The following SPRED2 variants were observed in gnomAD, a reference collection of about 807,000 sequenced individuals.
The protein encoded by SPRED2 is sprouty related EVH1 domain containing 2.
In SPRED2, 47 loss-of-function variants were observed where a neutral mutation model predicts 43.0. The ratio of observed to expected loss-of-function variants is 1.09; its 90% CI spans 0.87 to 1.40. The LOEUF is 1.40. SPRED2 is among the 40% of genes most tolerant of loss of function. The pLI is 0.00. For missense variants in SPRED2, 561 were observed against 586.4 expected, an observed-to-expected ratio of 0.96 and a Z score of 0.45; for synonymous variants, 225 against 225.7, an observed-to-expected ratio of 1.00 and a Z score of 0.03.
At chr2:65,421,227 T>A (rs1386709742) in intron 1 of SPRED2, among the ~76,000 whole-genome samples, 2 of 152,208 alleles carry the variant, frequency 1.3e-5, no homozygotes, top group Non-Finnish European at 2.9e-5. Flanking sequence ...GAAGTCCTGC[T>A]AAGAATGGGG....
At chr2:65,349,857 TG>T (rs1466503581) in intron 1 of SPRED2, among the ~76,000 whole-genome samples, 1 of 152,162 alleles carries the variant, frequency 6.6e-6, no homozygotes, top group African/African-American at 2.4e-5. Context: ...GTGATGGGAT[TG>T]GGGGAAGGGG....
intron 4 of SPRED2, among the ~76,000 whole-genome samples, chr2:65,318,322 A>C (rs1673307722): frequency 6.6e-6 from 1 of 152,056 alleles, no homozygotes; most frequent in Admixed American, 6.6e-5. Context: ...CAGCGAGAAA[A>C]TAGACTAATA....
At chr2:65,364,750 C>A (rs1674925489) in intron 1 of SPRED2, among the ~76,000 whole-genome samples, 1 of 151,988 alleles carries the variant, frequency 6.6e-6, no homozygotes, top group South Asian at 2.1e-4. Flanking sequence ...TGACTATAAT[C>A]ATTTACCATA....
chr2:65,313,321 A>T lies in SPRED2; in HGVS notation c.*180T>A. 1.4e-6 allele frequency: 2 copies of T among 1,440,510 alleles called. No homozygotes were observed. Among genetic ancestry groups the T allele is most frequent in the Non-Finnish European group, 1.8e-6 (2 of 1,104,316 alleles). 89.2% of individuals were successfully genotyped at this position (1,440,510 alleles called of 1,614,324 possible). A position where few individuals can be genotyped will look rare whatever the true frequency, so the allele number is the denominator to read the frequency against. ...CTGCTGCAGTGTGGGCGGCAGGGGG[A>T]GTGGAGAGTCTACCCGGCAGCGTCC... On this transcript the variant is annotated 3_prime_UTR_variant, in exon 6 of 6. Transcript: ENST00000356388.
chr2:65,312,757 A>G lies in SPRED2; in HGVS notation c.*744T>C. On this transcript the variant is annotated 3_prime_UTR_variant, in exon 6 of 6. Transcript: ENST00000356388. ...TTGAAGGAATTTTCCTGATTCTCAC[A>G]AGTTAATCTGAAGTTAAGGCTCAAT... The G allele has an allele frequency of 1.0e-6, 1 of 985,904 alleles. No homozygotes were observed. Among genetic ancestry groups the G allele is most frequent in the African/African-American group, 1.7e-5 (1 of 57,376 alleles). The allele number at this position is 985,904 out of a possible 1,614,324, so 61.1% of individuals were successfully genotyped here. A position where few individuals can be genotyped will look rare whatever the true frequency, so the allele number is the denominator to read the frequency against.
intron 1 of SPRED2, among the ~76,000 whole-genome samples, chr2:65,346,993 C>A (rs181704593): frequency 9.6e-4 from 146 of 152,312 alleles, no homozygotes; most frequent in African/African-American, 3.4e-3. Flanking sequence ...CCTTGTCTTA[C>A]AACCAACTTT....
intron 1 of SPRED2, among the ~76,000 whole-genome samples, chr2:65,401,937 G>GCGCGCGCGCACGCA (rs776512353): frequency 8.7e-6 from 1 of 114,714 alleles, no homozygotes; most frequent in African/African-American, 3.4e-5. Flanking sequence ...GCGCGCGCGC[G>GCGCGCGCGCACGCA]CACACACACA....
intron 4 of SPRED2, among the ~76,000 whole-genome samples, chr2:65,323,652 A>C (rs1558650616): frequency 1.3e-5 from 2 of 151,948 alleles, no homozygotes; most frequent in East Asian, 3.9e-4. Flanking sequence ...TGAGGCGGGC[A>C]GATCACGAGG....
At chr2:65,352,645 C>T (rs141574037) in intron 1 of SPRED2, among the ~76,000 whole-genome samples, 17 of 152,320 alleles carry the variant, frequency 1.1e-4, no homozygotes, top group South Asian at 2.1e-4. Flanking sequence ...GTTTTTGAGA[C>T]GGAGTTTCAC....
chr2:65,415,040 G>A (rs1356717705), intron 1 of SPRED2, among the ~76,000 whole-genome samples: 1 of 152,074 alleles, frequency 6.6e-6, no homozygotes, highest in Non-Finnish European at 1.5e-5. Context: ...TCCTGTCTTA[G>A]CTTCCCAAAC....
Position 65,432,215 on chromosome 2 carries a change from T to G in SPRED2, c.-228A>C. The G allele has an allele frequency of 1.9e-6, 1 of 530,728 alleles. No homozygotes were observed. Among genetic ancestry groups the G allele is most frequent in the Non-Finnish European group, 3.3e-6 (1 of 300,450 alleles). 32.9% of individuals were successfully genotyped at this position (530,728 alleles called of 1,614,324 possible). A position where few individuals can be genotyped will look rare whatever the true frequency, so the allele number is the denominator to read the frequency against. On this transcript the variant is annotated 5_prime_UTR_variant, in exon 1 of 6. Transcript: ENST00000356388. Reference sequence around the variant, plus strand: ...GCGGGGAGTGAACGCCGCAGCGCCGTGGGGAGAGGCGGGCGGAGGCTCCGG... The same window carrying G: ...GCGGGGAGTGAACGCCGCAGCGCCGGGGGGAGAGGCGGGCGGAGGCTCCGG...
intron 1 of SPRED2, among the ~76,000 whole-genome samples, chr2:65,352,170 A>G (rs1020352093): frequency 6.6e-6 from 1 of 152,262 alleles, no homozygotes; most frequent in Non-Finnish European, 1.5e-5. Flanking sequence ...CAAAGATGCC[A>G]GATCTGGCAG....
At chr2:65,406,662 T>C (rs1676030192) in intron 1 of SPRED2, among the ~76,000 whole-genome samples, 2 of 152,194 alleles carry the variant, frequency 1.3e-5, no homozygotes, top group Admixed American at 1.3e-4. Flanking sequence ...CACTTCACTT[T>C]CCTTCTGCTT....
At chr2:65,415,977 G>C (rs1485463297) in intron 1 of SPRED2, among the ~76,000 whole-genome samples, 2 of 152,162 alleles carry the variant, frequency 1.3e-5, no homozygotes, top group Non-Finnish European at 2.9e-5. Flanking sequence ...AGATTAATCG[G>C]AATGAATTAA....
intron 2 of SPRED2, among the ~76,000 whole-genome samples, chr2:65,337,703 A>C (rs1396692677): frequency 1.3e-5 from 2 of 152,106 alleles, no homozygotes; most frequent in Non-Finnish European, 2.9e-5. Flanking sequence ...ACAGGAAGGT[A>C]AAATAATTGT....
intron 4 of SPRED2, among the ~76,000 whole-genome samples, chr2:65,331,252 AAAAT>A (rs542818505): frequency 1.3e-5 from 2 of 152,290 alleles, no homozygotes; most frequent in East Asian, 1.9e-4. Flanking sequence ...CCCATCTTTG[AAAAT>A]AAATAAATAA....
At chr2:65,392,315 A>G (rs1675658705) in intron 1 of SPRED2, among the ~76,000 whole-genome samples, 1 of 151,648 alleles carries the variant, frequency 6.6e-6, no homozygotes, top group Non-Finnish European at 1.5e-5. Context: ...ACCACAGGTG[A>G]CAACAGGTGT....
intron 4 of SPRED2, among the ~76,000 whole-genome samples, chr2:65,322,280 A>G (rs1483750197): frequency 1.0e-5 from 1 of 97,356 alleles, no homozygotes; most frequent in African/African-American, 4.9e-5. Flanking sequence ...CTATATATAT[A>G]TATATATATA....
At chr2:65,366,752 T>A in intron 1 of SPRED2, 1 of 1,469,626 alleles carries the variant, frequency 6.8e-7, no homozygotes, top group Non-Finnish European at 9.0e-7. Context: ...TCAGTCTCCT[T>A]GACAAATATA....
Sources: allele counts gnomAD v4.1 joint callset (sites outside exome capture counted in the v4.1 genomes callset), GRCh38; gene constraint gnomAD v4.1.1; transcripts MANE v1.5; gene names NCBI Gene and HGNC (gene_info 2026-07-23, HGNC 2026-07-21).